Variants in PHACTR1 observed in about 807,000 individuals in gnomAD.
PHACTR1 encodes the protein RPEL repeat containing 1.
PHACTR1 carries 16 observed loss-of-function variants against 69.2 expected under a neutral mutation model. The observed-to-expected ratio is 0.23, with a 90% confidence interval of 0.16 to 0.35. The LOEUF is 0.35. Ranked by LOEUF, PHACTR1 falls within the 10% of genes least tolerant of loss-of-function variation. The pLI, the probability that PHACTR1 is intolerant of heterozygous loss-of-function variation, is 1.00. For synonymous variants in PHACTR1, 312 were observed against 284.5 expected, an observed-to-expected ratio of 1.10 and a Z score of -0.97; for missense variants, 510 against 734.7, an observed-to-expected ratio of 0.69 and a Z score of 3.54.
At chr6:12,721,897 G>T (rs371930696) in intron 3 of PHACTR1, among the ~76,000 whole-genome samples, 10 of 152,214 alleles carry the variant, frequency 6.6e-5, no homozygotes, top group Non-Finnish European at 1.5e-4. Context: ...CACATTGGCC[G>T]GATTCAAGCT....
At position 13,041,266 on chromosome 6, in the gene PHACTR1, G is replaced by A. The variant is rs138907528; in HGVS notation, c.251-12099G>A. Among the ~76,000 whole-genome samples the A allele has an allele frequency of 6.3e-4, 96 of 151,362 alleles. 3 individuals are homozygous for A. The East Asian group carries it at 0.017, about 27-fold the overall frequency. Reference sequence around the variant, plus strand: ...TGTGAAAGTCTTGACAAAGATATGAGCAGGGTTCCTTACTTTCTGAGTAAT... The same window carrying A: ...TGTGAAAGTCTTGACAAAGATATGAACAGGGTTCCTTACTTTCTGAGTAAT... On this transcript the variant is annotated intron_variant, in intron 4 of 14. Transcript: ENST00000332995.
At chr6:12,847,525 G>A (rs897856746) in intron 4 of PHACTR1, among the ~76,000 whole-genome samples, 3 of 152,020 alleles carry the variant, frequency 2.0e-5, no homozygotes, top group African/African-American at 7.3e-5. Context: ...AACACATTTG[G>A]TTATTAGTAT....
chr6:12,742,271 C>T (rs901789266), intron 3 of PHACTR1, among the ~76,000 whole-genome samples: 2 of 152,066 alleles, frequency 1.3e-5, no homozygotes, highest in African/African-American at 4.8e-5. Flanking sequence ...GTGGGTGGTT[C>T]CCAGAGCTTA....
intron 8 of PHACTR1, among the ~76,000 whole-genome samples, chr6:13,207,654 T>A (rs1766142353): frequency 6.6e-6 from 1 of 152,156 alleles, no homozygotes; most frequent in Admixed American, 6.5e-5. Context: ...GGCACTGGGA[T>A]TTCCCACTGG....
chr6:13,013,564 G>A (rs1352503041), intron 4 of PHACTR1, among the ~76,000 whole-genome samples: 3 of 152,208 alleles, frequency 2.0e-5, no homozygotes, highest in Admixed American at 6.5e-5. Context: ...AGTAGCTGGT[G>A]CTGAGATTTC....
intron 4 of PHACTR1, among the ~76,000 whole-genome samples, chr6:12,830,943 T>C (rs1777500889): frequency 6.6e-6 from 1 of 152,070 alleles, no homozygotes; most frequent in African/African-American, 2.4e-5. Flanking sequence ...ATTTAGGGGG[T>C]ACAAGTATGC....
chr6:12,834,907 G>T (rs1777985706), intron 4 of PHACTR1, among the ~76,000 whole-genome samples: 1 of 151,922 alleles, frequency 6.6e-6, no homozygotes, highest in Admixed American at 6.6e-5. Context: ...ACTATCAGTG[G>T]TGGAAGCATC....
intron 4 of PHACTR1, among the ~76,000 whole-genome samples, chr6:12,758,998 C>G (rs1185110591): frequency 6.6e-6 from 1 of 151,710 alleles, no homozygotes; most frequent in African/African-American, 2.4e-5. Context: ...GTGGCACATG[C>G]CTGTAATCTC....
At chr6:12,816,444 T>C (rs1775598587) in intron 4 of PHACTR1, among the ~76,000 whole-genome samples, 1 of 152,178 alleles carries the variant, frequency 6.6e-6, no homozygotes, top group African/African-American at 2.4e-5. Context: ...AGAGATAAAG[T>C]CTGATTAGGT....
intron 4 of PHACTR1, among the ~76,000 whole-genome samples, chr6:12,873,031 A>T (rs1782201201): frequency 6.9e-6 from 1 of 145,576 alleles, no homozygotes; most frequent in Non-Finnish European, 1.5e-5. Flanking sequence ...CTTTGCTTTC[A>T]ACAGAGTCTT....
intron 4 of PHACTR1, among the ~76,000 whole-genome samples, chr6:12,868,823 C>G (rs1245938615): frequency 1.3e-5 from 2 of 151,896 alleles, no homozygotes; most frequent in African/African-American, 4.8e-5. Flanking sequence ...TCATTTAGAA[C>G]AAAAAGAAAA....
chr6:12,916,417 C>T (rs1010608661), intron 4 of PHACTR1, among the ~76,000 whole-genome samples: 1 of 152,128 alleles, frequency 6.6e-6, no homozygotes. Context: ...TTATTAAAAT[C>T]TTTCCAGCCA....
At chr6:12,903,500 A>C (rs923941285) in intron 4 of PHACTR1, among the ~76,000 whole-genome samples, 5 of 152,226 alleles carry the variant, frequency 3.3e-5, no homozygotes, top group African/African-American at 9.6e-5. Context: ...ATCCTTCTTG[A>C]CATGGGTTGT....
At chr6:13,247,580 A>G (rs1306320915) in intron 10 of PHACTR1, among the ~76,000 whole-genome samples, 1 of 152,110 alleles carries the variant, frequency 6.6e-6, no homozygotes, top group Admixed American at 6.5e-5. Flanking sequence ...TCCTGACCTC[A>G]GGTGATCCGC....
intron 5 of PHACTR1, among the ~76,000 whole-genome samples, chr6:13,067,061 C>T (rs1246250207): frequency 2.0e-5 from 3 of 152,202 alleles, no homozygotes; most frequent in African/African-American, 7.2e-5. Flanking sequence ...ACAACAGCTG[C>T]TCCTTGTTTC....
At chr6:12,983,694 C>G (rs79654654) in intron 4 of PHACTR1, among the ~76,000 whole-genome samples, 6 of 152,150 alleles carry the variant, frequency 3.9e-5, no homozygotes, top group African/African-American at 1.2e-4. Context: ...TACCCCTCCC[C>G]ACTCCCGCCA....
At position 13,138,424 on chromosome 6, in the gene PHACTR1, A is replaced by T. The variant is rs146311355; in HGVS notation, c.416-21780A>T. On this transcript the variant is annotated intron_variant, in intron 5 of 14. Transcript: ENST00000332995. ...GGTCTATTTTCAAGTGTTGATTAGAACAAACAGCAAATATTTTTGGTGGTG... is the reference window on the plus strand; with the variant it reads ...GGTCTATTTTCAAGTGTTGATTAGATCAAACAGCAAATATTTTTGGTGGTG... Among the ~76,000 whole-genome samples the T allele has an allele frequency of 3.6e-3, 546 of 152,312 alleles. 4 individuals are homozygous for T. The highest frequency in any genetic ancestry group is 0.012 in the African/African-American group (519 of 41,568).
intron 4 of PHACTR1, among the ~76,000 whole-genome samples, chr6:12,890,313 CT>C (rs2127467770): frequency 6.6e-6 from 1 of 152,248 alleles, no homozygotes; most frequent in East Asian, 1.9e-4. Context: ...AAGGTTGGGG[CT>C]CGCTGTGCTA....
chr6:12,759,122 C>CAAAA (rs1229879368), intron 4 of PHACTR1, among the ~76,000 whole-genome samples: 337 of 50,434 alleles, frequency 6.7e-3, no homozygotes, highest in Non-Finnish European at 9.2e-3. Context: ...GACTCCACCT[C>CAAAA]AAAAAAAAAA....
Sources: gnomAD v4.1 joint callset for allele counts (sites outside exome capture counted in the v4.1 genomes callset) on GRCh38, gnomAD v4.1.1 for gene constraint, MANE v1.5 for transcripts, NCBI Gene and HGNC (gene_info 2026-07-23, HGNC 2026-07-21) for gene names.